FGF9: variants seen among roughly 807,000 people sequenced by gnomAD.
FGF9 encodes fibroblast growth factor 9, also known as fibroblast growth factor 9 (glia-activating factor).
Under a neutral mutation model 19.9 loss-of-function variants are expected in FGF9, and 3 were observed. The observed-to-expected ratio is 0.15, with a 90% CI of 0.07 to 0.39. The LOEUF (loss-of-function observed/expected upper bound fraction) is 0.39. FGF9 is among the 10% of genes least tolerant of loss of function. The probability of loss-of-function intolerance (pLI) is 1.00; values close to 1 mark genes in which losing one functional copy is unlikely to be tolerated. For synonymous variants in FGF9, 107 were observed against 106.9 expected (o/e 1.00, Z -0.01); for missense variants, 175 against 256.8 (o/e 0.68, Z 2.18).
intron 1 of FGF9, among the ~76,000 whole-genome samples, chr13:21,676,620 C>T (rs1871921341): frequency 6.6e-6 from 1 of 152,176 alleles, no homozygotes; most frequent in South Asian, 2.1e-4. Flanking sequence ...AGCCCTGGTT[C>T]GAGCTTCTCT....
intron 1 of FGF9, among the ~76,000 whole-genome samples, chr13:21,680,032 T>C (rs1872006403): frequency 6.6e-6 from 1 of 152,102 alleles, no homozygotes; most frequent in African/African-American, 2.4e-5. Context: ...CACACTGTAG[T>C]TACAGAAATT....
chr13:21,674,506 G>A (rs887288974), intron 1 of FGF9, among the ~76,000 whole-genome samples: 1 of 151,942 alleles, frequency 6.6e-6, no homozygotes, highest in African/African-American at 2.4e-5. Context: ...GGGAGCCCGG[G>A]GTGTGCGCGG....
At chr13:21,695,891 C>G (rs568787893) in intron 2 of FGF9, among the ~76,000 whole-genome samples, 48 of 152,276 alleles carry the variant, frequency 3.2e-4, no homozygotes, top group Non-Finnish European at 5.4e-4. Context: ...AGCAAGTAGT[C>G]TAAGCGGCCC....
intron 1 of FGF9, among the ~76,000 whole-genome samples, chr13:21,675,516 G>C (rs977823162): frequency 5.3e-5 from 8 of 151,964 alleles, no homozygotes; most frequent in African/African-American, 1.9e-4. Context: ...CGAGGGGGCT[G>C]CGGTGCCCCG....
At chr13:21,685,575 G>T (rs940963476) in intron 2 of FGF9, among the ~76,000 whole-genome samples, 2 of 152,170 alleles carry the variant, frequency 1.3e-5, no homozygotes, top group Non-Finnish European at 2.9e-5. Flanking sequence ...TTGTATTCAC[G>T]TGATAATTTG....
chr13:21,675,939 T>TCC (rs1201951980), intron 1 of FGF9, among the ~76,000 whole-genome samples: 6 of 147,044 alleles, frequency 4.1e-5, no homozygotes, highest in African/African-American at 1.3e-4. Flanking sequence ...TTTTTTTTTT[T>TCC]CCCCCTCGGA....
At chr13:21,679,023 A>G (rs186077056) in intron 1 of FGF9, among the ~76,000 whole-genome samples, 56 of 152,360 alleles carry the variant, frequency 3.7e-4, no homozygotes, top group Non-Finnish European at 7.1e-4. Flanking sequence ...AAGGGAGTGC[A>G]TCTCATGAAA....
intron 2 of FGF9, among the ~76,000 whole-genome samples, chr13:21,699,220 G>A (rs748817590): frequency 9.9e-5 from 15 of 152,240 alleles, no homozygotes; most frequent in Non-Finnish European, 1.8e-4. Context: ...TGCTTCTCCC[G>A]GCCACCCTCA....
Position 21,691,405 on chromosome 13 carries a change from A to G in FGF9, c.382-9785A>G, listed in dbSNP as rs1002410937. On this transcript the variant is annotated intron_variant, in intron 2 of 2. Transcript: ENST00000382353. The surrounding 1 kb of genome is among the most constrained non-coding windows in gnomAD (Gnocchi z 4.2). ...AGAAAAACAGGCAGGTGTTCTCAGT[A>G]GAGAAACCTTTTCAGCCAAGAAGGC... 6.6e-6 allele frequency among the ~76,000 whole-genome samples: 1 copy of G among 152,234 alleles called. No individual in the cohort carries two copies. The highest frequency in any genetic ancestry group is 2.4e-5 in the African/African-American group (1 of 41,472).
rs772060460 is a variant in FGF9 at position 21,681,133 on chromosome 13, G to A, written c.369G>A (p.Glu123=). 6.2e-7 allele frequency: 1 copy of A among 1,612,144 alleles called. No individual in the cohort carries two copies. The highest frequency in any genetic ancestry group is 1.7e-5 in the Admixed American group (1 of 60,020). Residue 123 remains glutamate (E), a synonymous_variant, in exon 2 of 3, where the codon GAG becomes GAA. Transcript: ENST00000382353. ...ACCTCGGGATGAATGAGAAGGGGGA[G>A]CTGTATGGATCAGTAAGTACTGGAG... ...GLYLGMNEKG[E]LYGSEKLTQE... is the part of the protein sequence containing the mutation.
chr13:21,683,319 C>T (rs1447040334), intron 2 of FGF9, among the ~76,000 whole-genome samples: 1 of 152,224 alleles, frequency 6.6e-6, no homozygotes, highest in Non-Finnish European at 1.5e-5. Flanking sequence ...ACCCCAGTTC[C>T]TAGCACAGTG....
At chr13:21,696,866 C>G (rs527581582) in intron 2 of FGF9, among the ~76,000 whole-genome samples, 7 of 152,146 alleles carry the variant, frequency 4.6e-5, no homozygotes, top group African/African-American at 1.7e-4. Context: ...TGGCATAATC[C>G]CCAATAAGAG....
chr13:21,676,013 T>C lies in FGF9; in HGVS notation c.277+3824T>C, dbSNP rs544891158. Reference sequence around the variant, plus strand: ...AACTCGCAATTGTATCTCTGTGCAGTAGGCTGGGGGAGCGAGATGTCTTGT... The same window carrying C: ...AACTCGCAATTGTATCTCTGTGCAGCAGGCTGGGGGAGCGAGATGTCTTGT... On this transcript the variant is annotated intron_variant, in intron 1 of 2. Transcript: ENST00000382353. 2.0e-5 allele frequency among the ~76,000 whole-genome samples: 3 copies of C among 151,944 alleles called. No homozygotes were observed. In the South Asian group the frequency reaches 6.2e-4, roughly 32 times the overall value.
rs1337713199 is a variant in FGF9, at chr13:21,691,404, TAG to T, written c.382-9782_382-9781del. ...GAGAAAAACAGGCAGGTGTTCTCAG[TAG>T]AGAAACCTTTTCAGCCAAGAAGGCA... On this transcript the variant is annotated intron_variant, in intron 2 of 2. Transcript: ENST00000382353. This position sits in a 1 kb window ranked among gnomAD's most constrained non-coding sequence, Gnocchi z 4.2. 6.6e-6 allele frequency among the ~76,000 whole-genome samples: 1 copy of T among 152,236 alleles called. No homozygotes were observed. The highest frequency in any genetic ancestry group is 1.9e-4 in the East Asian group (1 of 5,190).
At chr13:21,687,145 G>C (rs1872180742) in intron 2 of FGF9, among the ~76,000 whole-genome samples, 1 of 152,160 alleles carries the variant, frequency 6.6e-6, no homozygotes, top group Non-Finnish European at 1.5e-5. Context: ...AGCACAGAAA[G>C]TTTCCTTTAG....
Position 21,687,989 on chromosome 13 carries a change from G to A in FGF9, c.381+6844G>A, listed in dbSNP as rs187950134. Reference sequence around the variant, plus strand: ...TGCCCTTTGCCTTCTAGGTATCTGCGGTGCCAGTGTGGGAGAACACTGCAT... The same window carrying A: ...TGCCCTTTGCCTTCTAGGTATCTGCAGTGCCAGTGTGGGAGAACACTGCAT... On this transcript the variant is annotated intron_variant, in intron 2 of 2. Coordinates refer to ENST00000382353, the MANE Select transcript of FGF9 (RefSeq NM_002010.3). 1.7e-3 allele frequency among the ~76,000 whole-genome samples: 258 copies of A among 152,276 alleles called. 2 individuals are homozygous for A. The highest frequency in any genetic ancestry group is 5.5e-3 in the African/African-American group (230 of 41,562).
At chr13:21,686,204 T>G (rs531670752) in intron 2 of FGF9, among the ~76,000 whole-genome samples, 8 of 152,214 alleles carry the variant, frequency 5.3e-5, no homozygotes, top group Admixed American at 3.9e-4. Context: ...AATTTTTGTG[T>G]TTTTAGTAGA....
intron 2 of FGF9, among the ~76,000 whole-genome samples, chr13:21,684,683 C>A (rs1593094329): frequency 6.6e-6 from 1 of 152,312 alleles, no homozygotes; most frequent in Admixed American, 6.5e-5. Context: ...AGGCACCAGG[C>A]CCTCTTTCTC....
chr13:21,675,528 C>T (rs772695800), intron 1 of FGF9, among the ~76,000 whole-genome samples: 1 of 152,086 alleles, frequency 6.6e-6, no homozygotes, highest in East Asian at 1.9e-4. Flanking sequence ...GGTGCCCCGG[C>T]TCTGGCACAC....
Sources: allele counts gnomAD v4.1 joint callset (sites outside exome capture counted in the v4.1 genomes callset), GRCh38; gene constraint gnomAD v4.1.1; non-coding constraint Gnocchi (gnomAD v3.1); transcripts MANE v1.5; gene names NCBI Gene and HGNC (gene_info 2026-07-23, HGNC 2026-07-21).